Variants in MLLT10 observed in about 807,000 individuals in gnomAD.
The protein encoded by MLLT10 is MLLT10 histone lysine methyltransferase DOT1L cofactor.
Under a neutral mutation model 129.1 loss-of-function variants are expected in MLLT10, and 30 were observed. The observed-to-expected ratio is 0.23, with a 90% CI of 0.17 to 0.32. The LOEUF (loss-of-function observed/expected upper bound fraction) is 0.32, where lower values mean the gene tolerates loss of function less well. Among genes scored for constraint, MLLT10 ranks in the 10% least tolerant of loss-of-function variants. The probability of loss-of-function intolerance (pLI) is 1.00; values close to 1 mark genes in which losing one functional copy is unlikely to be tolerated. For missense variants in MLLT10, 1,119 were observed against 1,268.3 expected (o/e 0.88, Z 1.79); for synonymous variants, 490 against 446.4 (o/e 1.10, Z -1.23).
chr10:21,733,600 T>C lies in MLLT10; in HGVS notation c.2496+8T>C. On this transcript the variant is annotated splice_region_variant and intron_variant, in intron 19 of 22. Coordinates refer to ENST00000307729, the MANE Select transcript of MLLT10 (RefSeq NM_001195626.3). Reference sequence around the variant, plus strand: ...CTTCCTGTATTAAATCAGGTAATTTTTGTATGGTTATTTTCATCTATGTTG... The same window carrying C: ...CTTCCTGTATTAAATCAGGTAATTTCTGTATGGTTATTTTCATCTATGTTG... The C allele has an allele frequency of 6.5e-7, 1 of 1,531,018 alleles. No homozygotes were observed. Among genetic ancestry groups the C allele is most frequent in the Non-Finnish European group, 8.8e-7 (1 of 1,138,780 alleles). The allele number at this position is 1,531,018 out of a possible 1,614,324, so 94.8% of individuals were successfully genotyped here.
intron 9 of MLLT10, among the ~76,000 whole-genome samples, chr10:21,664,377 G>C (rs1214943026): frequency 2.0e-5 from 3 of 149,848 alleles, no homozygotes. Flanking sequence ...GCAGTGGCAC[G>C]ATCTCAGCTC....
chr10:21,551,004 T>C (rs2036912515), intron 3 of MLLT10, among the ~76,000 whole-genome samples: 1 of 151,602 alleles, frequency 6.6e-6, no homozygotes, highest in South Asian at 2.1e-4. Flanking sequence ...CTGCAACCTC[T>C]GCCTCCCAGG....
intron 13 of MLLT10, chr10:21,708,667 C>A (rs1346709245): frequency 2.0e-6 from 2 of 984,796 alleles, no homozygotes; most frequent in South Asian, 9.4e-5. Flanking sequence ...TGTAAGTATA[C>A]GTTGATGTAA....
intron 9 of MLLT10, among the ~76,000 whole-genome samples, chr10:21,663,504 G>A (rs1381782510): frequency 2.0e-5 from 3 of 151,196 alleles, no homozygotes; most frequent in Non-Finnish European, 2.9e-5. Flanking sequence ...AGCCTCCCAA[G>A]TAGCTGGGAT....
At chr10:21,601,314 T>G (rs1156344958) in intron 5 of MLLT10, among the ~76,000 whole-genome samples, 1 of 152,138 alleles carries the variant, frequency 6.6e-6, no homozygotes, top group East Asian at 1.9e-4. Context: ...GTTCCAAGAC[T>G]CAAAGGCCTA....
chr10:21,573,054 C>T (rs1379005007), intron 3 of MLLT10, among the ~76,000 whole-genome samples: 1 of 151,924 alleles, frequency 6.6e-6, no homozygotes, highest in African/African-American at 2.4e-5. Context: ...TTTCTTACAA[C>T]CTTACTTAAG....
chr10:21,568,229 T>A (rs1273088481), intron 3 of MLLT10, among the ~76,000 whole-genome samples: 1 of 152,212 alleles, frequency 6.6e-6, no homozygotes, highest in Admixed American at 6.5e-5. Flanking sequence ...ACCCAGGGAA[T>A]TTACTGCTAT....
intron 3 of MLLT10, among the ~76,000 whole-genome samples, chr10:21,575,173 C>A (rs1459521081): frequency 6.6e-6 from 1 of 151,684 alleles, no homozygotes; most frequent in African/African-American, 2.4e-5. Flanking sequence ...TTAGGTAGAA[C>A]CCTACTTATT....
chr10:21,680,904 C>A (rs370033171), intron 11 of MLLT10, among the ~76,000 whole-genome samples: 4 of 150,878 alleles, frequency 2.7e-5, no homozygotes, highest in African/African-American at 9.8e-5. Flanking sequence ...CCCAGTGAGC[C>A]GAGCTTGCGC....
At chr10:21,628,941 GT>G (rs1430146412) in intron 8 of MLLT10, among the ~76,000 whole-genome samples, 5 of 151,484 alleles carry the variant, frequency 3.3e-5, no homozygotes, top group Admixed American at 6.6e-5. Flanking sequence ...TGGAGACGGG[GT>G]TTCACCATGT....
intron 3 of MLLT10, among the ~76,000 whole-genome samples, chr10:21,570,049 A>G (rs1363731021): frequency 6.6e-6 from 1 of 152,146 alleles, no homozygotes; most frequent in Non-Finnish European, 1.5e-5. Context: ...AGCTGGGATT[A>G]CAGGCATGTG....
At chr10:21,534,130 G>GGGCCCC (rs2033315042), upstream of MLLT10, 1 of 334,492 alleles carries the variant, frequency 3.0e-6, no homozygotes, top group Non-Finnish European at 5.4e-6. Context: ...GAGGGGGACG[G>GGGCCCC]GGCCCCGGAG....
At chr10:21,642,182 C>T (rs1423806623) in intron 8 of MLLT10, among the ~76,000 whole-genome samples, 1 of 151,562 alleles carries the variant, frequency 6.6e-6, no homozygotes, top group Admixed American at 6.6e-5. Context: ...GAAACCCAGT[C>T]TCTATGAAAA....
At chr10:21,576,645 T>G (rs2040789761) in intron 3 of MLLT10, among the ~76,000 whole-genome samples, 1 of 151,950 alleles carries the variant, frequency 6.6e-6, no homozygotes, top group Non-Finnish European at 1.5e-5. Context: ...TTTTTTTTTT[T>G]TTGAGTTGGA....
At chr10:21,689,586 TATAG>T in intron 13 of MLLT10, among the ~76,000 whole-genome samples, 1 of 131,990 alleles carries the variant, frequency 7.6e-6, no homozygotes, top group Non-Finnish European at 1.7e-5. Flanking sequence ...TATATATATA[TATAG>T]CGTGTGTGTT....
chr10:21,561,603 A>G (rs1336716112), intron 3 of MLLT10, among the ~76,000 whole-genome samples: 4 of 151,920 alleles, frequency 2.6e-5, no homozygotes, highest in South Asian at 4.1e-4. Flanking sequence ...TTTTGAGCCA[A>G]TTTTTGTGTG....
intron 6 of MLLT10, among the ~76,000 whole-genome samples, chr10:21,613,832 G>A (rs1177024748): frequency 1.6e-4 from 24 of 152,036 alleles, no homozygotes; most frequent in Admixed American, 1.5e-3. Context: ...TTGAGCCCCA[G>A]AAGGCCGAGG....
intron 7 of MLLT10, among the ~76,000 whole-genome samples, chr10:21,615,145 G>A (rs527871017): frequency 1.3e-5 from 2 of 152,104 alleles, no homozygotes; most frequent in South Asian, 2.1e-4. Context: ...ATATTCTAAA[G>A]TACTCTCATT....
intron 13 of MLLT10, among the ~76,000 whole-genome samples, chr10:21,705,089 G>A (rs551030932): frequency 7.9e-5 from 12 of 152,272 alleles, no homozygotes; most frequent in Admixed American, 3.9e-4. Flanking sequence ...GGCTCTGTAG[G>A]TTGGACGGTT....
Sources: allele counts gnomAD v4.1 joint callset (sites outside exome capture counted in the v4.1 genomes callset), GRCh38; gene constraint gnomAD v4.1.1; transcripts MANE v1.5; gene names NCBI Gene and HGNC (gene_info 2026-07-23, HGNC 2026-07-21).